The following PCSK9 variants were observed in gnomAD, a reference collection of about 807,000 sequenced individuals.
The protein encoded by PCSK9 is proprotein convertase subtilisin/kexin type 9.
Under a neutral mutation model 62.1 loss-of-function variants are expected in PCSK9, and 57 were observed. The ratio of observed to expected loss-of-function variants is 0.92; its 90% CI spans 0.74 to 1.14. The LOEUF is 1.14. Among genes scored for constraint, PCSK9 ranks in the 50% most tolerant of loss-of-function variants. The pLI is 0.00. For synonymous variants in PCSK9, 387 were observed against 409.4 expected (o/e 0.95, Z 0.66); for missense variants, 870 against 959.8 (o/e 0.91, Z 1.24).
At chr1:55,058,697 G>GTGTGTGTGTGTGTGTGTGTGTA (rs1644736090) in intron 9 of PCSK9, 50 bp downstream of exon 9, 6 of 1,551,194 alleles carry the variant, frequency 3.9e-6, no homozygotes, top group Middle Eastern at 2.3e-4. Context: ...GTGTGTGTGT[G>GTGTGTGTGTGTGTGTGTGTGTA]TGTGTGTGTG....
In PCSK9 at chr1:55,040,005, C is replaced by T. The variant is rs763029049; in HGVS notation, c.168C>T (p.Pro56=). 3 of 1,577,360 alleles carry T rather than the reference C, an allele frequency of 1.9e-6. No homozygotes were observed. The highest frequency in any genetic ancestry group is 2.0e-4 in the Middle Eastern group (1 of 4,966). Residue 56 remains proline, a synonymous_variant, in exon 1 of 12, where the codon CCC becomes CCT. Transcript: ENST00000302118. The surrounding 1 kb of genome is among the most constrained non-coding windows in gnomAD (Gnocchi z 4.1). ...RSEEDGLAEA[P]EHGTTATFHR... ...AGGAGGACGGCCTGGCCGAAGCACCCGAGCACGGAACCACAGCCACCTTCC... is the reference window on the plus strand; with the variant it reads ...AGGAGGACGGCCTGGCCGAAGCACCTGAGCACGGAACCACAGCCACCTTCC...
rs2100266778 is a variant in PCSK9 at position 55,043,903 on chromosome 1, C to T, written c.268C>T (p.Gln90Ter). 1 of 1,614,240 alleles carries T rather than the reference C, an allele frequency of 6.2e-7. No individual in the cohort carries two copies. The highest frequency in any genetic ancestry group is 8.5e-7 in the Non-Finnish European group (1 of 1,180,050). The change falls in exon 2 of 12, where the codon CAG becomes TAG. Residue 90 changes from glutamine (Q) to a stop codon, truncating the protein, a stop_gained. Coordinates refer to ENST00000302118, the MANE Select transcript of PCSK9 (RefSeq NM_174936.4). LOFTEE classifies it high-confidence loss of function. The stretch of plus-strand genomic sequence containing the variant: ...GCTGAAGGAGGAGACCCACCTCTCG[C>T]AGTCAGAGCGCACTGCCCGCCGCCT... ...VVLKEETHLS[Q>*]SERTARRLQA...
rs569379713 is a variant in PCSK9, at chr1:55,043,847, C to T, written c.212C>T (p.Pro71Leu). Residue 71 changes from proline (P) to leucine (L), a missense_variant, in exon 2 of 12, where the codon CCG becomes CTG. Transcript: ENST00000302118. ...TTCCTCCTTGCATGGGGCCAGGATCCGTGGAGGTTGCCTGGCACCTACGTG... is the reference window on the plus strand; with the variant it reads ...TTCCTCCTTGCATGGGGCCAGGATCTGTGGAGGTTGCCTGGCACCTACGTG... ...TATFHRCAKD[P>L]WRLPGTYVVV... 78 of 1,614,076 alleles carry T rather than the reference C, an allele frequency of 4.8e-5. No individual in the cohort carries two copies. In the South Asian group the frequency reaches 6.9e-4, roughly 14 times the overall value.
chr1:55,050,690 A>G (rs1644666760), intron 3 of PCSK9, among the ~76,000 whole-genome samples: 2 of 151,398 alleles, frequency 1.3e-5, no homozygotes, highest in Admixed American at 1.3e-4. Context: ...ACCTACTAGC[A>G]TAGTGGGTGG....
At chr1:55,055,200 G>C (rs1283009132) in intron 5 of PCSK9, among the ~76,000 whole-genome samples, 1 of 152,164 alleles carries the variant, frequency 6.6e-6, no homozygotes, top group Non-Finnish European at 1.5e-5. Context: ...AACTGTCCCT[G>C]TTTCACAGAG....
Position 55,040,237 on chromosome 1 carries a change from G to A in PCSK9, c.207+193G>A, listed in dbSNP as rs1356205937. On this transcript the variant is annotated intron_variant, in intron 1 of 11. Coordinates refer to ENST00000302118, the MANE Select transcript of PCSK9 (RefSeq NM_174936.4). The surrounding 1 kb of genome is among the most constrained non-coding windows in gnomAD (Gnocchi z 4.1). ...GAGGACGGGTAGTGGGGAGCACGGT[G>A]GAGAGCGGGGACGGCCGGCTCTTTG... Among the ~76,000 whole-genome samples, 2 of 152,226 alleles carry A rather than the reference G, an allele frequency of 1.3e-5. No homozygotes were observed. The highest frequency in any genetic ancestry group is 2.9e-5 in the Non-Finnish European group (2 of 68,050).
chr1:55,060,403 C>A (rs1276294922), intron 10 of PCSK9, among the ~76,000 whole-genome samples: 1 of 152,176 alleles, frequency 6.6e-6, no homozygotes, highest in Non-Finnish European at 1.5e-5. Context: ...CTCGTCTGAG[C>A]ACGTCCAGGG....
Position 55,040,115 on chromosome 1 carries a change from C to A in PCSK9, c.207+71C>A. On this transcript the variant is annotated intron_variant, in intron 1 of 11. Coordinates refer to ENST00000302118, the MANE Select transcript of PCSK9 (RefSeq NM_174936.4). This position sits in a 1 kb window ranked among gnomAD's most constrained non-coding sequence, Gnocchi z 4.1. The stretch of plus-strand genomic sequence containing the variant: ...CGGTGCGGTGCTGTTTCCTCTCGGG[C>A]CTCAGTTTCCCCCCATGTAAGAGAG... 6.6e-7 allele frequency: 1 copy of A among 1,509,032 alleles called. No individual in the cohort carries two copies. Among genetic ancestry groups the A allele is most frequent in the Non-Finnish European group, 9.0e-7 (1 of 1,115,378 alleles). 93.5% of individuals were successfully genotyped at this position (1,509,032 alleles called of 1,614,324 possible).
chr1:55,044,846 C>T (rs1355033301), intron 2 of PCSK9, among the ~76,000 whole-genome samples: 1 of 152,188 alleles, frequency 6.6e-6, no homozygotes, highest in Non-Finnish European at 1.5e-5. Context: ...ATGGGTTAAT[C>T]AGCTCAGCAT....
At chr1:55,062,446 G>A (rs905886616) in intron 11 of PCSK9, among the ~76,000 whole-genome samples, 1 of 152,214 alleles carries the variant, frequency 6.6e-6, no homozygotes, top group Non-Finnish European at 1.5e-5. Flanking sequence ...ACAGGCCCAA[G>A]AGACATGCTG....
At position 55,059,727 on chromosome 1, in the gene PCSK9, G is replaced by A. The variant is rs483462; in HGVS notation, c.1681+64G>A. The A allele has an allele frequency of 0.7, 1,061,383 of 1,526,076 alleles. 374,065 individuals are homozygous for A. Among genetic ancestry groups the A allele is most frequent in the East Asian group, 0.86 (34,853 of 40,524 alleles). The allele number at this position is 1,526,076 out of a possible 1,614,324, so 94.5% of individuals were successfully genotyped here. A position where few individuals can be genotyped will look rare whatever the true frequency, so the allele number is the denominator to read the frequency against. On this transcript the variant is annotated intron_variant, in intron 10 of 11. Coordinates refer to ENST00000302118, the MANE Select transcript of PCSK9 (RefSeq NM_174936.4). Reference sequence around the variant, plus strand: ...CTTTCTCCTTATGCACCCACTGCCCGCGAGGCTTGGTCCTCACAAGTGTGA... The same window carrying A: ...CTTTCTCCTTATGCACCCACTGCCCACGAGGCTTGGTCCTCACAAGTGTGA...
chr1:55,042,479 C>G (rs1010092839), intron 1 of PCSK9, among the ~76,000 whole-genome samples: 5 of 152,202 alleles, frequency 3.3e-5, no homozygotes, highest in Non-Finnish European at 7.3e-5. Flanking sequence ...TACTGCCTTT[C>G]TAAAATCCAA....
Position 55,046,525 on chromosome 1 carries a change from C to G in PCSK9, c.402C>G (p.Ala134=). ...CCCGGCCTCTCTGGCTTCTGCAGGCCTTGAAGTTGCCCCATGTCGACTACA... is the reference window on the plus strand; with the variant it reads ...CCCGGCCTCTCTGGCTTCTGCAGGCGTTGAAGTTGCCCCATGTCGACTACA... ...VKMSGDLLEL[A]LKLPHVDYIE... Residue 134 remains alanine, a splice_region_variant and synonymous_variant, in exon 3 of 12, where the codon GCC becomes GCG. Coordinates refer to ENST00000302118, the MANE Select transcript of PCSK9 (RefSeq NM_174936.4). 1.9e-6 allele frequency: 3 copies of G among 1,614,210 alleles called. No individual in the cohort carries two copies.
intron 10 of PCSK9, among the ~76,000 whole-genome samples, chr1:55,060,025 C>A (rs1474842835): frequency 6.6e-6 from 1 of 152,188 alleles, no homozygotes; most frequent in Non-Finnish European, 1.5e-5. Context: ...GGAGGGCAGA[C>A]CTCGGTTTGA....
Position 55,052,330 on chromosome 1 carries a change from C to A in PCSK9, c.576C>A (p.Asp192Glu). 1 of 1,614,020 alleles carries A rather than the reference C, an allele frequency of 6.2e-7. No individual in the cohort carries two copies. The highest frequency in any genetic ancestry group is 8.5e-7 in the Non-Finnish European group (1 of 1,180,036). ...TCCTAGACACCAGCATACAGAGTGA[C>A]CACCGGGAAATCGAGGGCAGGGTCA... is the stretch of plus-strand genomic sequence containing the variant. ...VYLLDTSIQS[D>E]HREIEGRVMV... is the part of the protein sequence containing the mutation. Residue 192 changes from aspartate to glutamate, a missense_variant, in exon 4 of 12, where the codon GAC (aspartate) becomes GAA (glutamate). Transcript: ENST00000302118.
intron 2 of PCSK9, among the ~76,000 whole-genome samples, chr1:55,045,103 T>C (rs1327177876): frequency 1.3e-5 from 2 of 152,114 alleles, no homozygotes; most frequent in East Asian, 3.9e-4. Flanking sequence ...GCCAGTACAG[T>C]TGACTATGGG....
intron 6 of PCSK9, among the ~76,000 whole-genome samples, chr1:55,056,568 C>T (rs28362256): frequency 0.015 from 2,271 of 152,302 alleles, 59 homozygotes; most frequent in African/African-American, 0.051. Flanking sequence ...ACTCTTTGGG[C>T]CTCCCTGTTG....
At chr1:55,049,260 G>A (rs1408600615) in intron 3 of PCSK9, among the ~76,000 whole-genome samples, 1 of 152,240 alleles carries the variant, frequency 6.6e-6, no homozygotes, top group Non-Finnish European at 1.5e-5. Context: ...GCAGGAGGGA[G>A]TGTGGCCTGT....
intron 5 of PCSK9, among the ~76,000 whole-genome samples, chr1:55,053,970 C>T (rs528712708): frequency 2.0e-5 from 3 of 152,300 alleles, no homozygotes; most frequent in African/African-American, 4.8e-5. Context: ...TGACCTGGCA[C>T]GGGGCAGGGG....
Sources: gnomAD v4.1 joint callset for allele counts (sites outside exome capture counted in the v4.1 genomes callset) on GRCh38, gnomAD v4.1.1 for gene constraint, Gnocchi (gnomAD v3.1) non-coding constraint, MANE v1.5 for transcripts, NCBI Gene and HGNC (gene_info 2026-07-23, HGNC 2026-07-21) for gene names.